Variants in DENND5B observed in about 807,000 individuals in gnomAD.
DENND5B encodes DENN domain-containing protein 5B.
A neutral mutation model predicts 140.6 loss-of-function variants in DENND5B; 34 were observed. That is an observed-to-expected ratio of 0.24 (90% CI 0.18 to 0.32). DENND5B has a LOEUF of 0.32. DENND5B is among the 10% of genes least tolerant of loss of function. The pLI, the probability that DENND5B is intolerant of heterozygous loss-of-function variation, is 1.00. For missense variants in DENND5B, 1,142 were observed against 1,560.2 expected (o/e 0.73, Z 4.52); for synonymous variants, 551 against 562.1 (o/e 0.98, Z 0.28).
chr12:31,516,829 T>C (rs1420594168), intron 1 of DENND5B, among the ~76,000 whole-genome samples: 1 of 152,132 alleles, frequency 6.6e-6, no homozygotes. Flanking sequence ...ATCCCAGCAC[T>C]TTGGGAGACT....
At chr12:31,575,344 T>C (rs1014130092) in intron 1 of DENND5B, among the ~76,000 whole-genome samples, 3 of 152,188 alleles carry the variant, frequency 2.0e-5, no homozygotes, top group South Asian at 2.1e-4. Flanking sequence ...AGAATTCCAA[T>C]TGATAATGTT....
At chr12:31,481,780 A>C (rs1354835214) in intron 2 of DENND5B, among the ~76,000 whole-genome samples, 1 of 152,180 alleles carries the variant, frequency 6.6e-6, no homozygotes, top group Non-Finnish European at 1.5e-5. Context: ...GAAACCTCTG[A>C]AGGGTTTTTA....
At chr12:31,427,464 C>T (rs557492792) in intron 8 of DENND5B, among the ~76,000 whole-genome samples, 4 of 151,806 alleles carry the variant, frequency 2.6e-5, no homozygotes, top group African/African-American at 7.2e-5. Context: ...AAATTAGCCA[C>T]GCGTGGTGGT....
intron 2 of DENND5B, among the ~76,000 whole-genome samples, chr12:31,488,162 G>A (rs770075830): frequency 2.7e-5 from 4 of 147,794 alleles, no homozygotes; most frequent in African/African-American, 1.0e-4. Flanking sequence ...TTTTAGTAGA[G>A]ACGAGGTTTC....
At chr12:31,431,636 T>C (rs373367461) in intron 8 of DENND5B, among the ~76,000 whole-genome samples, 10 of 152,206 alleles carry the variant, frequency 6.6e-5, no homozygotes, top group African/African-American at 2.4e-4. Context: ...GAAATTAAAA[T>C]TCTGTGGAGA....
intron 1 of DENND5B, among the ~76,000 whole-genome samples, chr12:31,553,816 A>G (rs1312727444): frequency 6.6e-6 from 1 of 152,200 alleles, no homozygotes; most frequent in Non-Finnish European, 1.5e-5. Flanking sequence ...ACCATTATGT[A>G]ATGGCCTTCT....
intron 1 of DENND5B, among the ~76,000 whole-genome samples, chr12:31,531,419 C>T (rs749120367): frequency 1.4e-4 from 21 of 152,202 alleles, no homozygotes; most frequent in Non-Finnish European, 3.1e-4. Flanking sequence ...AGGCTGGTCT[C>T]GAACTCCTGA....
At chr12:31,535,018 G>GA in intron 1 of DENND5B, 1 of 219,956 alleles carries the variant, frequency 4.5e-6, no homozygotes, top group Non-Finnish European at 8.2e-6. Context: ...AGGTTGCAGT[G>GA]AGCGCAGATT....
chr12:31,563,181 G>C, intron 1 of DENND5B, among the ~76,000 whole-genome samples: 1 of 152,072 alleles, frequency 6.6e-6, no homozygotes, highest in East Asian at 1.9e-4. Context: ...TGGAGTCAAA[G>C]CTAAAAGAAG....
At chr12:31,512,260 T>C (rs1254869372) in intron 1 of DENND5B, among the ~76,000 whole-genome samples, 1 of 151,686 alleles carries the variant, frequency 6.6e-6, no homozygotes, top group Non-Finnish European at 1.5e-5. Context: ...GTGACCCGGG[T>C]TGGCATGTGG....
At chr12:31,519,375 C>T (rs1015792554) in intron 1 of DENND5B, among the ~76,000 whole-genome samples, 1 of 152,128 alleles carries the variant, frequency 6.6e-6, no homozygotes, top group East Asian at 1.9e-4. Context: ...CATAATGACA[C>T]CTTGAGTAGA....
chr12:31,468,478 C>A (rs1945381390), intron 3 of DENND5B, among the ~76,000 whole-genome samples: 2 of 151,906 alleles, frequency 1.3e-5, no homozygotes, highest in South Asian at 2.1e-4. Context: ...AAAGGTACAA[C>A]AGAAGATACC....
At chr12:31,400,396 C>G (rs1191083557) in intron 15 of DENND5B, among the ~76,000 whole-genome samples, 1 of 152,144 alleles carries the variant, frequency 6.6e-6, no homozygotes, top group Non-Finnish European at 1.5e-5. Flanking sequence ...AATAAGTTAT[C>G]TTCACTGGTC....
chr12:31,569,516 G>A (rs923953887), intron 1 of DENND5B, among the ~76,000 whole-genome samples: 1 of 152,146 alleles, frequency 6.6e-6, no homozygotes. Context: ...AAATTTTAAA[G>A]AGCCAATGCC....
At chr12:31,523,368 T>C (rs1947972128) in intron 1 of DENND5B, among the ~76,000 whole-genome samples, 2 of 152,078 alleles carry the variant, frequency 1.3e-5, no homozygotes, top group Admixed American at 6.6e-5. Context: ...TGGCCTATTC[T>C]TGCAATTCTG....
chr12:31,516,150 C>T (rs915476468), intron 1 of DENND5B, among the ~76,000 whole-genome samples: 2 of 151,992 alleles, frequency 1.3e-5, no homozygotes, highest in Non-Finnish European at 2.9e-5. Flanking sequence ...TAATGATGTA[C>T]AGCATATTCT....
intron 1 of DENND5B, among the ~76,000 whole-genome samples, chr12:31,540,694 A>C (rs1003960694): frequency 2.7e-5 from 4 of 149,452 alleles, no homozygotes; most frequent in Admixed American, 1.3e-4. Context: ...AAAAGAAGAG[A>C]AAAAAACAAA....
Position 31,397,847 on chromosome 12 carries a change from C to A in DENND5B, c.3256+328G>T, listed in dbSNP as rs1285049166. ...GCTGAGGTGGGAGGATCATTTGAAC[C>A]CGGGAAGCAGAGGCTGCAGTGAGCT... On this transcript the variant is annotated intron_variant, in intron 17 of 20. Coordinates refer to ENST00000389082, the MANE Select transcript of DENND5B (RefSeq NM_144973.4). Among the ~76,000 whole-genome samples, 6 of 152,160 alleles carry A rather than the reference C, an allele frequency of 3.9e-5. No individual in the cohort carries two copies. In the East Asian group the frequency reaches 9.7e-4, roughly 25 times the overall value.
intron 1 of DENND5B, among the ~76,000 whole-genome samples, chr12:31,524,582 G>A (rs765296369): frequency 8.5e-5 from 13 of 152,202 alleles, no homozygotes; most frequent in Non-Finnish European, 1.8e-4. Flanking sequence ...GAACCTGGAA[G>A]GCAGGGGTTG....
Sources: allele counts gnomAD v4.1 joint callset (sites outside exome capture counted in the v4.1 genomes callset), GRCh38; gene constraint gnomAD v4.1.1; transcripts MANE v1.5; gene names NCBI Gene and HGNC (gene_info 2026-07-23, HGNC 2026-07-21).